The following ZNF676 variants were observed in gnomAD, a reference collection of about 807,000 sequenced individuals.
The protein encoded by ZNF676 is zinc finger protein 676.
ZNF676 carries 4 observed loss-of-function variants against 6.0 expected under a neutral mutation model. The ratio of observed to expected loss-of-function variants is 0.67; its 90% CI spans 0.33 to 1.53. The LOEUF (loss-of-function observed/expected upper bound fraction) is 1.53. Ranked by LOEUF, ZNF676 falls within the 40% of genes most tolerant of loss-of-function variation. The probability of loss-of-function intolerance (pLI) is 0.06; values close to 1 mark genes in which losing one functional copy is unlikely to be tolerated. For missense variants in ZNF676, 644 were observed against 679.7 expected, an observed-to-expected ratio of 0.95 and a Z score of 0.58; for synonymous variants, 198 against 223.1, an observed-to-expected ratio of 0.89 and a Z score of 1.00.
chr19:22,247,275 A>G, the ZNF676 span, among the ~76,000 whole-genome samples: 19 of 152,232 alleles, frequency 1.2e-4, no homozygotes, highest in African/African-American at 4.3e-4. Flanking sequence ...CTAAGATTTA[A>G]GGGGTTGGCC....
the ZNF676 span, among the ~76,000 whole-genome samples, chr19:22,237,894 A>C: frequency 6.6e-6 from 1 of 152,180 alleles, no homozygotes; most frequent in Admixed American, 6.5e-5. Flanking sequence ...GGCTGTGCAT[A>C]CATCTTTCAT....
At chr19:22,245,059 G>A in the ZNF676 span, 2 of 152,250 alleles carry the variant, frequency 1.3e-5, no homozygotes, top group African/African-American at 4.8e-5. Flanking sequence ...CTTAGGTGTG[G>A]AACAGTGGTA....
chr19:22,252,170 G>A, the ZNF676 span, among the ~76,000 whole-genome samples: 24 of 152,210 alleles, frequency 1.6e-4, no homozygotes, highest in African/African-American at 5.3e-4. Flanking sequence ...CAAAGCAGGT[G>A]GATTGCCTGA....
At chr19:22,182,944 A>G (rs1330052386) in intron 2 of ZNF676, among the ~76,000 whole-genome samples, 1 of 152,154 alleles carries the variant, frequency 6.6e-6, no homozygotes, top group African/African-American at 2.4e-5. Context: ...ATTATTATAA[A>G]CATCTGTTAA....
the ZNF676 span, among the ~76,000 whole-genome samples, chr19:22,250,855 G>A: frequency 1.3e-5 from 2 of 152,108 alleles, no homozygotes; most frequent in African/African-American, 4.8e-5. Flanking sequence ...GAGACTACAG[G>A]TGCATGCCAC....
At chr19:22,255,907 G>A in the ZNF676 span, among the ~76,000 whole-genome samples, 14 of 152,098 alleles carry the variant, frequency 9.2e-5, no homozygotes, top group East Asian at 2.3e-3. Flanking sequence ...CTGGATGGAC[G>A]GTCACATATG....
chr19:22,221,760 A>C, the ZNF676 span, among the ~76,000 whole-genome samples: 2 of 147,376 alleles, frequency 1.4e-5, no homozygotes, highest in Non-Finnish European at 3.0e-5. Flanking sequence ...AAAAAAAAAA[A>C]CATCAGACTT....
intron 1 of ZNF676, among the ~76,000 whole-genome samples, chr19:22,194,295 C>T (rs1468607776): frequency 1.3e-5 from 2 of 152,112 alleles, no homozygotes; most frequent in Non-Finnish European, 2.9e-5. Context: ...GCCCCTGCTG[C>T]AGAAATGCTT....
chr19:22,256,622 G>T, the ZNF676 span, among the ~76,000 whole-genome samples: 1 of 152,092 alleles, frequency 6.6e-6, no homozygotes, highest in South Asian at 2.1e-4. Context: ...TGAGCAGGAC[G>T]CATGCATGTG....
At chr19:22,188,830 ACCACAG>A (rs1207457625) in intron 2 of ZNF676, among the ~76,000 whole-genome samples, 11 of 152,166 alleles carry the variant, frequency 7.2e-5, no homozygotes, top group Admixed American at 3.9e-4. Flanking sequence ...AGAACTACAA[ACCACAG>A]CTCAAGAAAA....
chr19:22,181,846 A>G (rs548981135), intron 2 of ZNF676, among the ~76,000 whole-genome samples: 3 of 152,134 alleles, frequency 2.0e-5, no homozygotes, highest in Non-Finnish European at 2.9e-5. Context: ...AAAACAAGAA[A>G]AGTTTGTTAA....
chr19:22,221,644 A>G, the ZNF676 span, among the ~76,000 whole-genome samples: 1 of 152,082 alleles, frequency 6.6e-6, no homozygotes, highest in Admixed American at 6.6e-5. Context: ...CCAGCTACTC[A>G]GAAGGCTGAG....
At chr19:22,228,189 G>T in the ZNF676 span, among the ~76,000 whole-genome samples, 1 of 152,120 alleles carries the variant, frequency 6.6e-6, no homozygotes, top group Admixed American at 6.6e-5. Context: ...GGGATGCATG[G>T]CTGGTTCAAC....
chr19:22,194,604 C>T (rs539226584), intron 1 of ZNF676, among the ~76,000 whole-genome samples: 1 of 152,212 alleles, frequency 6.6e-6, no homozygotes, highest in Admixed American at 6.5e-5. Flanking sequence ...GTGCTCCCCA[C>T]CCCGAGCAGA....
upstream of ZNF676, among the ~76,000 whole-genome samples, chr19:22,199,808 G>A (rs2024006159): frequency 2.0e-5 from 3 of 152,150 alleles, no homozygotes; most frequent in Non-Finnish European, 4.4e-5. Flanking sequence ...CAGAAAACAA[G>A]TTGCTAAATA....
At chr19:22,220,838 G>A in the ZNF676 span, among the ~76,000 whole-genome samples, 1 of 152,184 alleles carries the variant, frequency 6.6e-6, no homozygotes, top group Admixed American at 6.5e-5. Context: ...TTTAATCTAG[G>A]AGGGTTGTAT....
At chr19:22,196,045 G>C (rs1433320900) in intron 1 of ZNF676, among the ~76,000 whole-genome samples, 1 of 152,104 alleles carries the variant, frequency 6.6e-6, no homozygotes, top group African/African-American at 2.4e-5. Context: ...AAATCCGACG[G>C]ACCAATCACA....
At chr19:22,229,552 A>G in the ZNF676 span, among the ~76,000 whole-genome samples, 312 of 152,336 alleles carry the variant, frequency 2.0e-3, no homozygotes, top group Middle Eastern at 3.4e-3. Context: ...AACTATCATC[A>G]GAGTGAACAG....
the ZNF676 span, among the ~76,000 whole-genome samples, chr19:22,233,179 A>G: frequency 6.6e-6 from 1 of 152,140 alleles, no homozygotes; most frequent in African/African-American, 2.4e-5. Flanking sequence ...TAATTGCAGC[A>G]TTGTTACAAA....
Sources: gnomAD v4.1 joint callset for allele counts (sites outside exome capture counted in the v4.1 genomes callset) on GRCh38, gnomAD v4.1.1 for gene constraint, MANE v1.5 for transcripts, NCBI Gene and HGNC (gene_info 2026-07-23, HGNC 2026-07-21) for gene names.